The following CPED1 variants were observed in gnomAD, a reference collection of about 807,000 sequenced individuals.
CPED1 encodes cadherin-like and PC-esterase domain-containing protein 1.
In CPED1, 114 loss-of-function variants were observed where a neutral mutation model predicts 128.2. The observed-to-expected ratio is 0.89, with a 90% CI of 0.76 to 1.04. CPED1 has a LOEUF of 1.04. Among genes scored for constraint, CPED1 ranks in the 50% least tolerant of loss-of-function variants. CPED1 has a pLI of 0.00. For missense variants in CPED1, 1,211 were observed against 1,207.1 expected (o/e 1.00, Z -0.05); for synonymous variants, 462 against 426.7 (o/e 1.08, Z -1.02).
chr7:121,245,822 C>T (rs569867795), intron 18 of CPED1, among the ~76,000 whole-genome samples: 7 of 151,942 alleles, frequency 4.6e-5, no homozygotes, highest in African/African-American at 9.7e-5. Context: ...TCCCGAGTAG[C>T]TGGGATTACA....
intron 16 of CPED1, among the ~76,000 whole-genome samples, chr7:121,171,826 T>C (rs887068481): frequency 5.3e-5 from 8 of 152,172 alleles, no homozygotes; most frequent in Admixed American, 2.0e-4. Flanking sequence ...ATTTAACCTT[T>C]CCTAAATTAA....
At chr7:121,067,844 T>C (rs955462397) in intron 5 of CPED1, among the ~76,000 whole-genome samples, 7 of 152,206 alleles carry the variant, frequency 4.6e-5, no homozygotes, top group Non-Finnish European at 1.0e-4. Context: ...TGGTTTTGAT[T>C]TGCATTTCTC....
intron 3 of CPED1, among the ~76,000 whole-genome samples, chr7:121,019,522 T>C (rs1236397115): frequency 2.0e-5 from 3 of 152,180 alleles, no homozygotes; most frequent in East Asian, 3.9e-4. Context: ...CTGAGGGACA[T>C]ATTATTGGTT....
At chr7:121,049,249 A>G (rs776823724) in intron 4 of CPED1, among the ~76,000 whole-genome samples, 37 of 152,228 alleles carry the variant, frequency 2.4e-4, no homozygotes, top group Non-Finnish European at 4.6e-4. Flanking sequence ...CAACATTATA[A>G]AAGTTTCACT....
At chr7:121,281,847 G>A (rs1792471745) in intron 22 of CPED1, among the ~76,000 whole-genome samples, 1 of 152,058 alleles carries the variant, frequency 6.6e-6, no homozygotes, top group Non-Finnish European at 1.5e-5. Context: ...TAAGACTTAT[G>A]GAACAATGCT....
In CPED1 at chr7:121,266,391, G is replaced by A. The variant is rs1792123405; in HGVS notation, c.2475G>A (p.Trp825Ter). ...LISYSYYPQF[W>*]ISPSLRPTFE... ...GTTATTCCTACTATCCCCAGTTCTG[G>A]ATAAGCCCTTCATTGAGACCAACAT... Residue 825 changes from tryptophan to a stop codon, truncating the protein, a stop_gained, in exon 19 of 23, where the codon TGG (tryptophan) becomes TGA (stop). Coordinates refer to ENST00000310396, the MANE Select transcript of CPED1 (RefSeq NM_024913.5). LOFTEE classifies it high-confidence loss of function. 1 of 1,613,068 alleles carries A rather than the reference G, an allele frequency of 6.2e-7. No homozygotes were observed. The highest frequency in any genetic ancestry group is 1.1e-5 in the South Asian group (1 of 91,074).
At chr7:121,201,765 C>G (rs1475834705) in intron 16 of CPED1, among the ~76,000 whole-genome samples, 2 of 151,988 alleles carry the variant, frequency 1.3e-5, no homozygotes, top group African/African-American at 4.8e-5. Context: ...CTTCCGTCCT[C>G]CTCTCCTCTA....
intron 18 of CPED1, 48 bp downstream of exon 18, chr7:121,244,386 A>G (rs1363579378): frequency 5.0e-6 from 8 of 1,605,354 alleles, no homozygotes; most frequent in African/African-American, 1.3e-5. Flanking sequence ...TGCCACCTGA[A>G]GTACTAAAAA....
In CPED1 at chr7:121,129,287, G is replaced by GTA. The variant is rs374141620; in HGVS notation, c.1408-815_1408-814dup. On this transcript the variant is annotated intron_variant, in intron 11 of 22. Transcript: ENST00000310396. ...AAAGTATATGTGTGTGTGTATATAT[G>GTA]TATATATATATATATATATATATAC... Among the ~76,000 whole-genome samples, 152 of 52,002 alleles carry GTA rather than the reference G, an allele frequency of 2.9e-3. 1 individual carries two copies. The highest frequency in any genetic ancestry group is 8.0e-3 in the South Asian group (9 of 1,124). 34.1% of individuals were successfully genotyped at this position (52,002 alleles called of 152,430 possible). A position where few individuals can be genotyped will look rare whatever the true frequency, so the allele number is the denominator to read the frequency against.
At chr7:121,218,170 T>C (rs1004765792) in intron 16 of CPED1, among the ~76,000 whole-genome samples, 7 of 150,608 alleles carry the variant, frequency 4.6e-5, no homozygotes, top group Admixed American at 4.6e-4. Context: ...TTTTTTTGTA[T>C]TTTTAGTAGA....
chr7:121,266,498 C>T, intron 19 of CPED1, 51 bp downstream of exon 19: 2 of 1,457,090 alleles, frequency 1.4e-6, no homozygotes, highest in Non-Finnish European at 9.6e-7. Flanking sequence ...TACTGATGTT[C>T]TGCTAGCAGT....
At chr7:121,136,528 T>G (rs1057097255) in intron 14 of CPED1, among the ~76,000 whole-genome samples, 10 of 152,300 alleles carry the variant, frequency 6.6e-5, no homozygotes, top group African/African-American at 2.4e-4. Context: ...ATTTTTTTAA[T>G]TCATTTTTTA....
chr7:121,028,712 A>G (rs1056747934), intron 3 of CPED1, among the ~76,000 whole-genome samples: 1 of 152,202 alleles, frequency 6.6e-6, no homozygotes, highest in Non-Finnish European at 1.5e-5. Context: ...TGCATTGTCT[A>G]TGTGAAACCA....
intron 7 of CPED1, among the ~76,000 whole-genome samples, chr7:121,108,463 G>T (rs934941883): frequency 6.6e-6 from 1 of 151,974 alleles, no homozygotes; most frequent in Admixed American, 6.6e-5. Flanking sequence ...TATATGTTAA[G>T]AAAATTCATT....
intron 2 of CPED1, among the ~76,000 whole-genome samples, chr7:121,004,366 G>A (rs988579220): frequency 1.3e-5 from 2 of 152,200 alleles, no homozygotes; most frequent in African/African-American, 4.8e-5. Flanking sequence ...AGTGGATGGA[G>A]AATCTCTTAA....
chr7:121,224,787 C>CTTTTT (rs143087799), intron 16 of CPED1, among the ~76,000 whole-genome samples: 5 of 56,252 alleles, frequency 8.9e-5, no homozygotes, highest in South Asian at 1.1e-3. Context: ...GCAACCCCTG[C>CTTTTT]TTTTTTTTTT....
intron 13 of CPED1, among the ~76,000 whole-genome samples, chr7:121,134,391 T>C (rs752455484): frequency 9.2e-5 from 14 of 152,006 alleles, no homozygotes; most frequent in Non-Finnish European, 1.6e-4. Context: ...CTCACAGAAG[T>C]AGAGAGGGTT....
At chr7:121,026,551 C>T (rs537323440) in intron 3 of CPED1, among the ~76,000 whole-genome samples, 4 of 152,118 alleles carry the variant, frequency 2.6e-5, no homozygotes, top group South Asian at 2.1e-4. Flanking sequence ...CAGGCCTGTC[C>T]GCACATTCCA....
At chr7:121,130,393 C>T (rs1006984780) in intron 12 of CPED1, 99 bp downstream of exon 12, 3 of 902,878 alleles carry the variant, frequency 3.3e-6, no homozygotes, top group Admixed American at 3.0e-5. Context: ...GCAGCAACAA[C>T]AAAAAAGTGT....
Sources: gnomAD v4.1 joint callset for allele counts (sites outside exome capture counted in the v4.1 genomes callset) on GRCh38, gnomAD v4.1.1 for gene constraint, MANE v1.5 for transcripts, NCBI Gene and HGNC (gene_info 2026-07-23, HGNC 2026-07-21) for gene names.